TWSG1: variants seen among roughly 807,000 people sequenced by gnomAD.
TWSG1 encodes twisted gastrulation BMP signaling modulator 1.
A neutral mutation model predicts 23.0 loss-of-function variants in TWSG1; 15 were observed. The observed-to-expected ratio is 0.65, with a 90% CI of 0.44 to 1.00. The LOEUF is 1.00. Among genes scored for constraint, TWSG1 ranks in the 50% least tolerant of loss-of-function variants. TWSG1 has a pLI of 0.00. For synonymous variants in TWSG1, 86 were observed against 92.8 expected (o/e 0.93, Z 0.42); for missense variants, 242 against 278.7 (o/e 0.87, Z 0.94).
chr18:9,356,047 C>G (rs557132358), intron 2 of TWSG1, among the ~76,000 whole-genome samples: 1 of 152,194 alleles, frequency 6.6e-6, no homozygotes, highest in Non-Finnish European at 1.5e-5. Context: ...TGGTGTCCAA[C>G]AAGTTTTAAT....
At chr18:9,356,437 A>G (rs1258941130) in intron 2 of TWSG1, among the ~76,000 whole-genome samples, 2 of 152,224 alleles carry the variant, frequency 1.3e-5, no homozygotes, top group Non-Finnish European at 2.9e-5. Context: ...AGTAAAAGGC[A>G]TAATGAATGC....
chr18:9,393,264 A>G (rs1160395267), intron 3 of TWSG1, among the ~76,000 whole-genome samples: 1 of 152,204 alleles, frequency 6.6e-6, no homozygotes, highest in Non-Finnish European at 1.5e-5. Flanking sequence ...AAAAAGAAAC[A>G]CAGAGGGTTC....
At position 9,359,967 on chromosome 18, in the gene TWSG1, T is replaced by G; in HGVS notation, c.124-5T>G. The G allele has an allele frequency of 6.2e-7, 1 of 1,612,638 alleles. No homozygotes were observed. The highest frequency in any genetic ancestry group is 8.5e-7 in the Non-Finnish European group (1 of 1,178,962). Reference sequence around the variant, plus strand: ...TTTGAAGTTTAACATCTGTCTTGTTTCTAGGAGCTCTGCCAGTGCCGGCCG... The same window carrying G: ...TTTGAAGTTTAACATCTGTCTTGTTGCTAGGAGCTCTGCCAGTGCCGGCCG... On this transcript the variant is annotated splice_region_variant and splice_polypyrimidine_tract_variant and intron_variant, in intron 2 of 4. Coordinates refer to ENST00000262120, the MANE Select transcript of TWSG1 (RefSeq NM_020648.6).
At chr18:9,361,735 C>A (rs927685073) in intron 3 of TWSG1, among the ~76,000 whole-genome samples, 1 of 152,210 alleles carries the variant, frequency 6.6e-6, no homozygotes, top group East Asian at 1.9e-4. Context: ...TTCCCATACT[C>A]ATCTCTACCC....
At chr18:9,384,352 C>A (rs1335932615) in intron 3 of TWSG1, among the ~76,000 whole-genome samples, 1 of 152,114 alleles carries the variant, frequency 6.6e-6, no homozygotes, top group Non-Finnish European at 1.5e-5. Context: ...TGGCGATGTT[C>A]TGTAGGAAGT....
At chr18:9,342,704 T>C (rs1405816890) in intron 2 of TWSG1, among the ~76,000 whole-genome samples, 1 of 152,212 alleles carries the variant, frequency 6.6e-6, no homozygotes, top group Admixed American at 6.5e-5. Flanking sequence ...AGCTGTCTTA[T>C]GGTGACTTTC....
At chr18:9,340,212 C>T (rs1057024689) in intron 2 of TWSG1, among the ~76,000 whole-genome samples, 10 of 151,406 alleles carry the variant, frequency 6.6e-5, no homozygotes, top group Non-Finnish European at 1.3e-4. Flanking sequence ...ACTAAAAATA[C>T]GAAAAATTAG....
At chr18:9,398,940 G>A (rs8085947) in intron 4 of TWSG1, among the ~76,000 whole-genome samples, 70,830 of 151,486 alleles carry the variant, frequency 0.47, 16,731 homozygotes, top group Middle Eastern at 0.6. Flanking sequence ...CCTGGGAGGC[G>A]GAGGCTGCAG....
intron 3 of TWSG1, among the ~76,000 whole-genome samples, chr18:9,365,288 C>G (rs2040572701): frequency 6.6e-6 from 1 of 152,084 alleles, no homozygotes; most frequent in Non-Finnish European, 1.5e-5. Context: ...CACTACAGCA[C>G]TCCAGCCTGG....
At chr18:9,395,887 A>G (rs1463506357) in intron 3 of TWSG1, among the ~76,000 whole-genome samples, 1 of 152,050 alleles carries the variant, frequency 6.6e-6, no homozygotes, top group Non-Finnish European at 1.5e-5. Context: ...TTAATGCTCA[A>G]ATTGTCTATT....
chr18:9,349,131 T>A (rs760664275), intron 2 of TWSG1, among the ~76,000 whole-genome samples: 1 of 152,192 alleles, frequency 6.6e-6, no homozygotes, highest in African/African-American at 2.4e-5. Flanking sequence ...GGGGTTTAGT[T>A]ATCCTGTTTC....
intron 3 of TWSG1, among the ~76,000 whole-genome samples, chr18:9,389,097 C>T (rs2040699244): frequency 6.6e-6 from 1 of 152,110 alleles, no homozygotes; most frequent in Non-Finnish European, 1.5e-5. Context: ...CTGCCTCAGC[C>T]TCCCGAGTAG....
chr18:9,342,799 C>T (rs943974824), intron 2 of TWSG1, among the ~76,000 whole-genome samples: 6 of 152,160 alleles, frequency 3.9e-5, no homozygotes, highest in Non-Finnish European at 5.9e-5. Flanking sequence ...TTTGTCCCAA[C>T]ATGCCCTCAA....
rs200496617 is a variant in TWSG1, at chr18:9,343,277, A to G, written c.123+5925A>G. 1.7e-4 allele frequency among the ~76,000 whole-genome samples: 25 copies of G among 147,390 alleles called. 1 individual carries two copies. In the East Asian group the frequency reaches 4.3e-3, roughly 26 times the overall value. On this transcript the variant is annotated intron_variant, in intron 2 of 4. Coordinates refer to ENST00000262120, the MANE Select transcript of TWSG1 (RefSeq NM_020648.6). The stretch of plus-strand genomic sequence containing the variant: ...ATATATATATCTTGTCCTAACATAC[A>G]TACATATATAATATATACGTTTTAT...
chr18:9,363,434 T>C (rs1204981021), intron 3 of TWSG1, among the ~76,000 whole-genome samples: 1 of 152,166 alleles, frequency 6.6e-6, no homozygotes, highest in African/African-American at 2.4e-5. Context: ...ACTTGTTTCA[T>C]CCATTCATCT....
intron 3 of TWSG1, among the ~76,000 whole-genome samples, chr18:9,391,183 G>T (rs530699022): frequency 4.6e-5 from 7 of 152,314 alleles, no homozygotes; most frequent in Admixed American, 4.6e-4. Flanking sequence ...TCCATAAGAA[G>T]CAACTCCTCA....
intron 3 of TWSG1, among the ~76,000 whole-genome samples, chr18:9,380,894 A>G (rs1036552525): frequency 6.6e-6 from 1 of 152,144 alleles, no homozygotes; most frequent in African/African-American, 2.4e-5. Context: ...CTCATTTTTC[A>G]GTTTCAGTCA....
intron 2 of TWSG1, among the ~76,000 whole-genome samples, chr18:9,358,468 T>A (rs2040537148): frequency 6.6e-6 from 1 of 152,168 alleles, no homozygotes; most frequent in Admixed American, 6.5e-5. Context: ...AAAACAGAGC[T>A]GCAGACAGAC....
intron 3 of TWSG1, among the ~76,000 whole-genome samples, chr18:9,385,780 T>G (rs1274496394): frequency 6.6e-6 from 1 of 151,932 alleles, no homozygotes; most frequent in Non-Finnish European, 1.5e-5. Flanking sequence ...AAAGAAATCT[T>G]TTAAAAACTG....
Sources: allele counts gnomAD v4.1 joint callset (sites outside exome capture counted in the v4.1 genomes callset), GRCh38; gene constraint gnomAD v4.1.1; transcripts MANE v1.5; gene names NCBI Gene and HGNC (gene_info 2026-07-23, HGNC 2026-07-21).